Variants in FIG4 observed in about 807,000 individuals in gnomAD.
The protein encoded by FIG4 is FIG4 phosphoinositide 5-phosphatase.
In FIG4, 112 loss-of-function variants were observed where a neutral mutation model predicts 118.6. The observed-to-expected ratio is 0.94, with a 90% CI of 0.81 to 1.11. The LOEUF is 1.11. Ranked by LOEUF, FIG4 falls within the 50% of genes least tolerant of loss-of-function variation. FIG4 has a pLI of 0.00. For synonymous variants in FIG4, 369 were observed against 381.2 expected, an observed-to-expected ratio of 0.97 and a Z score of 0.37; for missense variants, 969 against 1,111.7, an observed-to-expected ratio of 0.87 and a Z score of 1.83.
intron 10 of FIG4, among the ~76,000 whole-genome samples, chr6:109,745,263 G>A (rs967551524): frequency 6.6e-6 from 1 of 152,128 alleles, no homozygotes; most frequent in Non-Finnish European, 1.5e-5. Context: ...CACCAACAGT[G>A]TAAAAGCGTT....
chr6:109,795,038 A>G lies in FIG4; in HGVS notation c.2460-1727A>G, dbSNP rs113698673. 5.5e-3 allele frequency among the ~76,000 whole-genome samples: 689 copies of G among 124,410 alleles called. 7 individuals are homozygous for G. The highest frequency in any genetic ancestry group is 0.019 in the Middle Eastern group (3 of 158). The allele number at this position is 124,410 out of a possible 152,430, so 81.6% of individuals were successfully genotyped here. A position where few individuals can be genotyped will look rare whatever the true frequency, so the allele number is the denominator to read the frequency against. On this transcript the variant is annotated intron_variant, in intron 21 of 22. Transcript: ENST00000230124. The stretch of plus-strand genomic sequence containing the variant: ...CCTTTTCTAGTATCTTTGGTTTGCT[A>G]TTTTACCAGACCTGAAAGCTTTCTA...
chr6:109,763,935 AG>A lies in FIG4; in HGVS notation c.1389del. 1 of 1,605,258 alleles carries A rather than the reference AG, an allele frequency of 6.2e-7. No individual in the cohort carries two copies. The highest frequency in any genetic ancestry group is 8.5e-7 in the Non-Finnish European group (1 of 1,171,936). On this transcript the variant is annotated splice_acceptor_variant, in intron 12 of 22. Coordinates refer to ENST00000230124, the MANE Select transcript of FIG4 (RefSeq NM_014845.6). LOFTEE classifies it high-confidence loss of function. Reference sequence around the variant, plus strand: ...TTTAAAAGTGTTTATTTTTAAACACAGGTGGAATGAACTAGGAGGATGTGTG... The same window carrying A: ...TTTAAAAGTGTTTATTTTTAAACACAGTGGAATGAACTAGGAGGATGTGTG...
chr6:109,725,451 G>T (rs766112100), intron 3 of FIG4, among the ~76,000 whole-genome samples: 1 of 152,118 alleles, frequency 6.6e-6, no homozygotes, highest in Admixed American at 6.5e-5. Flanking sequence ...TTTTATGGCT[G>T]CATAGTATTC....
At chr6:109,803,526 G>A (rs1778480663) in intron 22 of FIG4, among the ~76,000 whole-genome samples, 1 of 152,162 alleles carries the variant, frequency 6.6e-6, no homozygotes, top group Non-Finnish European at 1.5e-5. Context: ...AAGATGATAT[G>A]TCTGGGCCTC....
In FIG4 at chr6:109,756,958, G is replaced by C. The variant is rs145947027; in HGVS notation, c.1138-3292G>C. On this transcript the variant is annotated intron_variant, in intron 10 of 22. Transcript: ENST00000230124. ...ACTCGTCAAAGTCATTCTCCGTCCA[G>C]CTTTGTTCCATTGCTGGTGAGGAAC... Among the ~76,000 whole-genome samples the C allele has an allele frequency of 1.5e-3, 230 of 152,278 alleles. 1 individual carries two copies. The highest frequency in any genetic ancestry group is 5.3e-3 in the African/African-American group (219 of 41,556).
chr6:109,788,877 A>C (rs1354250670), intron 18 of FIG4, among the ~76,000 whole-genome samples: 1 of 152,218 alleles, frequency 6.6e-6, no homozygotes, highest in Non-Finnish European at 1.5e-5. Flanking sequence ...CGTTTTTGGC[A>C]TCTACTGTGG....
rs778590272 is a variant in FIG4, at chr6:109,785,037, C to T, written c.1948+9C>T. ...ATTGCCCTATGATGAAGGTAGGTAA[C>T]TGTTTGTGTTTTAGTTTTTACACTA... On this transcript the variant is annotated intron_variant, in intron 17 of 22. Coordinates refer to ENST00000230124, the MANE Select transcript of FIG4 (RefSeq NM_014845.6). 6.6e-7 allele frequency: 1 copy of T among 1,507,262 alleles called. No homozygotes were observed. The allele number at this position is 1,507,262 out of a possible 1,614,324, so 93.4% of individuals were successfully genotyped here. A position where few individuals can be genotyped will look rare whatever the true frequency, so the allele number is the denominator to read the frequency against.
intron 22 of FIG4, among the ~76,000 whole-genome samples, chr6:109,802,015 C>T (rs562842719): frequency 9.9e-5 from 15 of 152,280 alleles, no homozygotes; most frequent in South Asian, 4.1e-4. Context: ...AGGCAGTGAT[C>T]AGTGATTAAT....
intron 4 of FIG4, among the ~76,000 whole-genome samples, chr6:109,729,145 G>A (rs941391045): frequency 3.9e-5 from 6 of 152,040 alleles, no homozygotes; most frequent in Non-Finnish European, 7.4e-5. Context: ...CATACATAAT[G>A]TTTATCTCTG....
chr6:109,803,549 A>T (rs959375885), intron 22 of FIG4, among the ~76,000 whole-genome samples: 1 of 152,190 alleles, frequency 6.6e-6, no homozygotes, highest in Non-Finnish European at 1.5e-5. Context: ...GTGGTTTTAG[A>T]TTAGAGAGAT....
chr6:109,702,121 A>G (rs964837387), intron 1 of FIG4, among the ~76,000 whole-genome samples: 6 of 152,202 alleles, frequency 3.9e-5, no homozygotes, highest in African/African-American at 1.2e-4. Flanking sequence ...ATTTAATCTG[A>G]AAGTTCAGGT....
At chr6:109,732,760 A>T in intron 5 of FIG4, 73 bp downstream of exon 5, 1 of 884,326 alleles carries the variant, frequency 1.1e-6, no homozygotes, top group Admixed American at 1.8e-5. Flanking sequence ...GTAAAAGCAG[A>T]ATGAGAACAT....
chr6:109,785,963 A>G, intron 17 of FIG4: 1 of 327,182 alleles, frequency 3.1e-6, no homozygotes, highest in Non-Finnish European at 5.9e-6. Flanking sequence ...TTAGGGAAAA[A>G]GCTGTACAAT....
chr6:109,791,026 A>G (rs1778120262), intron 19 of FIG4, among the ~76,000 whole-genome samples: 1 of 152,220 alleles, frequency 6.6e-6, no homozygotes, highest in Non-Finnish European at 1.5e-5. Flanking sequence ...TAATTTTAAT[A>G]ATATCCCAAA....
chr6:109,795,403 T>A (rs17052438), intron 21 of FIG4, among the ~76,000 whole-genome samples: 3,171 of 152,144 alleles, frequency 0.021, 99 homozygotes, highest in East Asian at 0.12. Flanking sequence ...TGGATAAAAG[T>A]AAGCTGTTTG....
intron 3 of FIG4, among the ~76,000 whole-genome samples, chr6:109,724,834 C>CAT (rs147633842): frequency 0.35 from 48,612 of 138,544 alleles, 8,466 homozygotes; most frequent in Middle Eastern, 0.49. Context: ...TGTGTGTGTA[C>CAT]ATATATATAT....
chr6:109,730,798 A>G (rs1346709259), intron 4 of FIG4, among the ~76,000 whole-genome samples: 5 of 152,204 alleles, frequency 3.3e-5, no homozygotes, highest in African/African-American at 9.6e-5. Context: ...TAAGAAAATA[A>G]AGGTAAATAT....
intron 16 of FIG4, among the ~76,000 whole-genome samples, chr6:109,779,886 C>T (rs1308080271): frequency 6.6e-6 from 1 of 152,184 alleles, no homozygotes; most frequent in Non-Finnish European, 1.5e-5. Context: ...ACCCATTAAC[C>T]TCTCAACCTC....
At chr6:109,785,399 G>A (rs10499055) in intron 17 of FIG4, among the ~76,000 whole-genome samples, 7,033 of 152,130 alleles carry the variant, frequency 0.046, 510 homozygotes, top group African/African-American at 0.16. Context: ...TATTCACAAG[G>A]AGAACTTAAA....
Sources: gnomAD v4.1 joint callset for allele counts (sites outside exome capture counted in the v4.1 genomes callset) on GRCh38, gnomAD v4.1.1 for gene constraint, MANE v1.5 for transcripts, NCBI Gene and HGNC (gene_info 2026-07-23, HGNC 2026-07-21) for gene names.